Variants in RGS22 observed in about 807,000 individuals in gnomAD.
RGS22 encodes regulator of G-protein signaling 22.
Under a neutral mutation model 172.9 loss-of-function variants are expected in RGS22, and 148 were observed. The observed-to-expected ratio is 0.86, with a 90% CI of 0.75 to 0.98. The LOEUF (loss-of-function observed/expected upper bound fraction) is 0.98. Among genes scored for constraint, RGS22 ranks in the 50% least tolerant of loss-of-function variants. The probability of loss-of-function intolerance (pLI) is 0.00; values close to 1 mark genes in which losing one functional copy is unlikely to be tolerated. For missense variants in RGS22, 1,347 were observed against 1,440.8 expected (o/e 0.93, Z 1.05); for synonymous variants, 458 against 480.2 (o/e 0.95, Z 0.60).
At chr8:100,039,533 C>T (rs1443883757) in intron 13 of RGS22, among the ~76,000 whole-genome samples, 1 of 151,926 alleles carries the variant, frequency 6.6e-6, no homozygotes, top group Non-Finnish European at 1.5e-5. Flanking sequence ...TGCACCACCA[C>T]GCCCAGCTAA....
intron 10 of RGS22, 117 bp downstream of exon 10, chr8:100,052,685 G>C: frequency 1.1e-6 from 1 of 949,236 alleles, no homozygotes; most frequent in South Asian, 1.7e-5. Context: ...GTTGCAGCTT[G>C]TACATTAGCA....
intron 23 of RGS22, among the ~76,000 whole-genome samples, chr8:99,975,180 G>T (rs894874025): frequency 1.3e-5 from 2 of 151,690 alleles, no homozygotes; most frequent in African/African-American, 4.8e-5. Context: ...ACATTAAAAT[G>T]TAGTCACTAT....
chr8:100,057,854 A>G (rs1437166076), intron 9 of RGS22, among the ~76,000 whole-genome samples: 2 of 152,158 alleles, frequency 1.3e-5, no homozygotes, highest in Non-Finnish European at 2.9e-5. Context: ...AAACAACCTC[A>G]CCAAATGAAT....
intron 11 of RGS22, 154 bp from the exon 12 acceptor site, chr8:100,042,070 C>T (rs1820197673): frequency 2.0e-6 from 1 of 501,884 alleles, no homozygotes; most frequent in Non-Finnish European, 3.6e-6. Flanking sequence ...CGTTCTAGCC[C>T]TAAAGTGGTG....
intron 19 of RGS22, 80 bp from the exon 20 acceptor site, chr8:99,996,610 A>C: frequency 8.6e-7 from 1 of 1,164,996 alleles, no homozygotes; most frequent in African/African-American, 1.5e-5. Context: ...TAGCTAAAAA[A>C]ATGAGATAAA....
intron 20 of RGS22, among the ~76,000 whole-genome samples, chr8:99,993,191 A>G (rs111497373): frequency 0.01 from 1,585 of 152,310 alleles, 20 homozygotes; most frequent in Middle Eastern, 0.034. Flanking sequence ...ACACCCTAAC[A>G]TCACAATTAA....
chr8:100,052,090 T>A, intron 10 of RGS22, among the ~76,000 whole-genome samples: 1 of 64,768 alleles, frequency 1.5e-5, no homozygotes, highest in East Asian at 4.9e-4. Context: ...TATATATATT[T>A]ATATATTTAT....
intron 14 of RGS22, among the ~76,000 whole-genome samples, chr8:100,021,969 C>T (rs1817639582): frequency 6.6e-6 from 1 of 152,054 alleles, no homozygotes; most frequent in Non-Finnish European, 1.5e-5. Context: ...AAGAAAATAA[C>T]AAGCAAGTTC....
intron 22 of RGS22, 104 bp downstream of exon 22, chr8:99,981,833 A>G: frequency 3.9e-6 from 4 of 1,019,646 alleles, no homozygotes; most frequent in Non-Finnish European, 4.1e-6. Context: ...AAGTGCTGGG[A>G]TTACAGGCGT....
intron 12 of RGS22, 152 bp from the exon 13 acceptor site, chr8:100,040,239 T>C: frequency 1.5e-6 from 1 of 647,222 alleles, no homozygotes; most frequent in Non-Finnish European, 2.5e-6. Flanking sequence ...ATGCAGTATG[T>C]TTGCATTTGA....
At chr8:100,052,589 C>T (rs796658474) in intron 10 of RGS22, among the ~76,000 whole-genome samples, 3 of 152,072 alleles carry the variant, frequency 2.0e-5, no homozygotes, top group Non-Finnish European at 4.4e-5. Context: ...CATGAGCCAC[C>T]GCGCCCGGCC....
At position 99,962,412 on chromosome 8, in the gene RGS22, A is replaced by G. The variant is rs1324110718; in HGVS notation, c.*27T>C. On this transcript the variant is annotated 3_prime_UTR_variant, in exon 27 of 28. Transcript: ENST00000360863. ...GACGTACCTTGAACCTATCAGCAGC[A>G]GGATGTAAACATTCACAAGAATGCT... The G allele has an allele frequency of 6.2e-7, 1 of 1,612,978 alleles. No homozygotes were observed. The highest frequency in any genetic ancestry group is 2.2e-5 in the East Asian group (1 of 44,884).
At chr8:99,977,271 T>TTTC (rs1226664977) in intron 23 of RGS22, among the ~76,000 whole-genome samples, 20 of 98,966 alleles carry the variant, frequency 2.0e-4, no homozygotes, top group Non-Finnish European at 3.3e-4. Flanking sequence ...GCCCGGTTAA[T>TTTC]TTTTTTTTTT....
At chr8:100,023,294 C>T (rs1817816917) in intron 14 of RGS22, among the ~76,000 whole-genome samples, 1 of 152,192 alleles carries the variant, frequency 6.6e-6, no homozygotes, top group East Asian at 1.9e-4. Flanking sequence ...ATCTTTCAGG[C>T]TGACTAGATA....
At chr8:99,989,460 A>T (rs901707962) in intron 20 of RGS22, among the ~76,000 whole-genome samples, 17 of 152,024 alleles carry the variant, frequency 1.1e-4, no homozygotes, top group African/African-American at 4.1e-4. Context: ...ATTTGATTTG[A>T]TTTTTTATGT....
In RGS22 at chr8:99,993,758, C is replaced by T. The variant is rs539207968; in HGVS notation, c.3018+2704G>A. On this transcript the variant is annotated intron_variant, in intron 20 of 27. Coordinates refer to ENST00000360863, the MANE Select transcript of RGS22 (RefSeq NM_015668.5). ...GAAAAAGAGGGAATCCTTCCTAACTCGTTTTATGAGGCCAACGTCATCCTG... is the reference window on the plus strand; with the variant it reads ...GAAAAAGAGGGAATCCTTCCTAACTTGTTTTATGAGGCCAACGTCATCCTG... Among the ~76,000 whole-genome samples the T allele has an allele frequency of 4.6e-5, 7 of 152,312 alleles. No individual in the cohort carries two copies. The East Asian group carries it at 1.2e-3, about 25-fold the overall frequency.
At chr8:100,032,633 T>C (rs952576603) in intron 14 of RGS22, among the ~76,000 whole-genome samples, 2 of 152,016 alleles carry the variant, frequency 1.3e-5, no homozygotes, top group Non-Finnish European at 2.9e-5. Flanking sequence ...ACAAAGATAT[T>C]CAGGGCTTGA....
At chr8:100,028,253 C>T (rs1818390418) in intron 14 of RGS22, among the ~76,000 whole-genome samples, 1 of 152,052 alleles carries the variant, frequency 6.6e-6, no homozygotes, top group South Asian at 2.1e-4. Context: ...CTTACCATCT[C>T]GGCCATGCAC....
At chr8:100,017,745 A>T (rs1163705338) in intron 14 of RGS22, among the ~76,000 whole-genome samples, 1 of 152,342 alleles carries the variant, frequency 6.6e-6, no homozygotes, top group African/African-American at 2.4e-5. Flanking sequence ...AAACGTAAAG[A>T]TTATACTATA....
Sources: allele counts gnomAD v4.1 joint callset (sites outside exome capture counted in the v4.1 genomes callset), GRCh38; gene constraint gnomAD v4.1.1; transcripts MANE v1.5; gene names NCBI Gene and HGNC (gene_info 2026-07-23, HGNC 2026-07-21).